The following CACNA1D variants were observed in gnomAD, a reference collection of about 807,000 sequenced individuals.
CACNA1D encodes the protein calcium voltage-gated channel subunit alpha1 D.
Under a neutral mutation model 257.1 loss-of-function variants are expected in CACNA1D, and 55 were observed. That is an observed-to-expected ratio of 0.21 (90% CI 0.17 to 0.27). CACNA1D has a LOEUF of 0.27. CACNA1D is among the 10% of genes least tolerant of loss of function. CACNA1D has a pLI of 1.00. For synonymous variants in CACNA1D, 980 were observed against 1,014.9 expected (o/e 0.97, Z 0.65); for missense variants, 1,876 against 2,784.0 (o/e 0.67, Z 7.34).
At chr3:53,632,530 A>C (rs576824867) in intron 3 of CACNA1D, among the ~76,000 whole-genome samples, 1 of 152,246 alleles carries the variant, frequency 6.6e-6, no homozygotes, top group Non-Finnish European at 1.5e-5. Flanking sequence ...TTTGCTTTGC[A>C]TTCACAACTT....
chr3:53,718,520 T>C (rs1398247119), intron 10 of CACNA1D, 132 bp downstream of exon 10: 1 of 1,039,852 alleles, frequency 9.6e-7, no homozygotes, highest in Non-Finnish European at 1.5e-6. Context: ...AGGCTCCTCG[T>C]ACCCCACGCC....
intron 14 of CACNA1D, among the ~76,000 whole-genome samples, chr3:53,726,673 A>T (rs1385261845): frequency 2.0e-5 from 3 of 151,860 alleles, no homozygotes; most frequent in Non-Finnish European, 4.4e-5. Flanking sequence ...TAATAAGGTT[A>T]TTTTTTTTCA....
rs1203727106 is a variant in CACNA1D at position 53,665,673 on chromosome 3, C to G, written c.780C>G (p.Val260=). ...LVSGVPSLQV[V]LNSIIKAMVP... is the part of the protein sequence containing the mutation. ...TGTCTTTCCTAGGTTTACAAGTTGTCCTGAACTCCATTATAAAAGCCATGG... is the reference window on the plus strand; with the variant it reads ...TGTCTTTCCTAGGTTTACAAGTTGTGCTGAACTCCATTATAAAAGCCATGG... Residue 260 remains valine, a synonymous_variant, in exon 6 of 48, where the codon GTC becomes GTG. Transcript: ENST00000350061. 3 of 1,612,900 alleles carry G rather than the reference C, an allele frequency of 1.9e-6. No individual in the cohort carries two copies. Among genetic ancestry groups the G allele is most frequent in the African/African-American group, 2.7e-5 (2 of 74,808 alleles).
chr3:53,550,116 C>A lies in CACNA1D; in HGVS notation c.483+48396C>A, dbSNP rs572527424. On this transcript the variant is annotated intron_variant, in intron 3 of 47. Transcript: ENST00000350061. ...CGAATTGGCTCTCCCCACGTTGGCT[C>A]CCATGGAAAGGACTGATGGGAGAGA... 1.8e-4 allele frequency among the ~76,000 whole-genome samples: 27 copies of A among 152,230 alleles called. No individual in the cohort carries two copies. In the South Asian group the frequency reaches 5.4e-3, roughly 30 times the overall value.
At chr3:53,573,794 G>A (rs1205672345) in intron 3 of CACNA1D, among the ~76,000 whole-genome samples, 1 of 152,232 alleles carries the variant, frequency 6.6e-6, no homozygotes, top group African/African-American at 2.4e-5. Context: ...AGTGTGTCCA[G>A]TCACTGGCAC....
At chr3:53,581,914 T>C (rs1429404897) in intron 3 of CACNA1D, among the ~76,000 whole-genome samples, 7 of 152,222 alleles carry the variant, frequency 4.6e-5, no homozygotes, top group Non-Finnish European at 1.5e-5. Flanking sequence ...GGATAGCATC[T>C]GGGTATCTCG....
chr3:53,704,205 A>C (rs2094659581), intron 9 of CACNA1D, among the ~76,000 whole-genome samples: 1 of 151,888 alleles, frequency 6.6e-6, no homozygotes, highest in Non-Finnish European at 1.5e-5. Context: ...CCTGGTGGAG[A>C]GGCTTCTTGA....
chr3:53,775,550 C>T (rs2095392103), intron 34 of CACNA1D, among the ~76,000 whole-genome samples: 2 of 152,248 alleles, frequency 1.3e-5, no homozygotes, highest in South Asian at 2.1e-4. Context: ...CAGAGCAAAA[C>T]CTTGTCTCAA....
At chr3:53,621,451 G>A (rs893021773) in intron 3 of CACNA1D, among the ~76,000 whole-genome samples, 11 of 152,200 alleles carry the variant, frequency 7.2e-5, no homozygotes, top group Non-Finnish European at 1.0e-4. Context: ...AGAGAGTCAA[G>A]TGTGTGTTTC....
chr3:53,745,749 A>T lies in CACNA1D; in HGVS notation c.3114+18A>T, dbSNP rs17053453. ...TGTTCAAGGTAGAGGAACTGCCTCC[A>T]AGCATAAAACTCAGGTGGATTTCTT... On this transcript the variant is annotated intron_variant, in intron 24 of 47. Coordinates refer to ENST00000350061, the MANE Select transcript of CACNA1D (RefSeq NM_001128840.3). 1 of 1,603,686 alleles carries T rather than the reference A, an allele frequency of 6.2e-7. No individual in the cohort carries two copies. The highest frequency in any genetic ancestry group is 1.7e-5 in the Admixed American group (1 of 60,006).
At chr3:53,762,658 A>G (rs767804306) in intron 30 of CACNA1D, 5 of 456,384 alleles carry the variant, frequency 1.1e-5, no homozygotes, top group African/African-American at 2.0e-5. Flanking sequence ...TTTGTGTCCT[A>G]TATCATGGTT....
At chr3:53,629,297 C>T (rs2093796033) in intron 3 of CACNA1D, among the ~76,000 whole-genome samples, 1 of 152,222 alleles carries the variant, frequency 6.6e-6, no homozygotes, top group African/African-American at 2.4e-5. Context: ...ACCTTCATGC[C>T]AACCCACATT....
intron 3 of CACNA1D, among the ~76,000 whole-genome samples, chr3:53,535,682 T>C (rs1194765911): frequency 6.6e-6 from 1 of 152,186 alleles, no homozygotes; most frequent in African/African-American, 2.4e-5. Context: ...GACTAATTAC[T>C]TGAAATCCTG....
At chr3:53,520,784 G>A (rs2107338317) in intron 3 of CACNA1D, among the ~76,000 whole-genome samples, 1 of 150,966 alleles carries the variant, frequency 6.6e-6, no homozygotes, top group East Asian at 2.0e-4. Context: ...AAAAATTATT[G>A]GTTTATAAGA....
At chr3:53,768,185 G>T (rs549098178) in intron 30 of CACNA1D, among the ~76,000 whole-genome samples, 2 of 152,364 alleles carry the variant, frequency 1.3e-5, no homozygotes, top group African/African-American at 4.8e-5. Context: ...AGGCCCGCAG[G>T]AGGGTCTTAG....
intron 3 of CACNA1D, among the ~76,000 whole-genome samples, chr3:53,647,176 T>G (rs373385165): frequency 1.3e-3 from 197 of 152,256 alleles, no homozygotes; most frequent in African/African-American, 4.4e-3. Flanking sequence ...TTCTGGACGT[T>G]GTTTTCTAAA....
chr3:53,732,990 G>A (rs771315566), intron 19 of CACNA1D, 28 bp downstream of exon 19: 12 of 1,613,034 alleles, frequency 7.4e-6, no homozygotes, highest in South Asian at 2.2e-5. Context: ...AGTCTCTCAC[G>A]GCTGCCTCTT....
rs531629910 is a variant in CACNA1D, at chr3:53,583,301, G to A, written c.484-67478G>A. Among the ~76,000 whole-genome samples the A allele has an allele frequency of 1.3e-4, 19 of 151,924 alleles. 1 individual carries two copies. Among genetic ancestry groups the A allele is most frequent in the Middle Eastern group, 3.4e-3 (1 of 294 alleles). On this transcript the variant is annotated intron_variant, in intron 3 of 47. Coordinates refer to ENST00000350061, the MANE Select transcript of CACNA1D (RefSeq NM_001128840.3). ...TGTGGAGGAGACATTTCCAATGTCC[G>A]TCTTCCTGCCTGGTCCCTACCTGAC...
intron 23 of CACNA1D, 61 bp from the exon 24 acceptor site, chr3:53,745,563 G>A (rs1018918526): frequency 1.7e-5 from 18 of 1,046,450 alleles, no homozygotes; most frequent in Non-Finnish European, 2.6e-5. Flanking sequence ...GTCGGCTGAT[G>A]TTAGCTCACC....
Sources: allele counts gnomAD v4.1 joint callset (sites outside exome capture counted in the v4.1 genomes callset), GRCh38; gene constraint gnomAD v4.1.1; transcripts MANE v1.5; gene names NCBI Gene and HGNC (gene_info 2026-07-23, HGNC 2026-07-21).